PCDHGA4: variants seen among roughly 807,000 people sequenced by gnomAD.
PCDHGA4 encodes the protein protocadherin gamma subfamily A, 4.
A neutral mutation model predicts 54.6 loss-of-function variants in PCDHGA4; 38 were observed. The ratio of observed to expected loss-of-function variants is 0.70; its 90% confidence interval spans 0.54 to 0.91. PCDHGA4 has a LOEUF of 0.91. PCDHGA4 is among the 40% of genes least tolerant of loss of function. PCDHGA4 has a pLI of 0.00. For synonymous variants in PCDHGA4, 511 were observed against 512.9 expected (o/e 1.00, Z 0.05); for missense variants, 1,298 against 1,220.9 (o/e 1.06, Z -0.94).
At chr5:141,419,014 C>A (rs1332175722) in intron 1 of PCDHGA4, 1 of 1,613,780 alleles carries the variant, frequency 6.2e-7, no homozygotes, top group Non-Finnish European at 8.5e-7. Flanking sequence ...TCAGGTGTAG[C>A]TTAAGTAGAG....
chr5:141,412,998 T>G, intron 1 of PCDHGA4: 1 of 586,036 alleles, frequency 1.7e-6, no homozygotes, highest in Non-Finnish European at 2.9e-6. Context: ...ATCCGGATTC[T>G]CAGGGCTTCA....
intron 1 of PCDHGA4, chr5:141,424,031 T>G (rs2096796228): frequency 1.9e-6 from 2 of 1,036,050 alleles, no homozygotes; most frequent in African/African-American, 3.4e-5. Flanking sequence ...AAACACTTTT[T>G]ATTTCCATTT....
rs773389466 is a variant in PCDHGA4, at chr5:141,388,420, C to T, written c.2514+30799C>T. The T allele has an allele frequency of 3.1e-6, 5 of 1,613,778 alleles. No homozygotes were observed. The South Asian group carries it at 4.4e-5, about 14-fold the overall frequency. ...CAACTCAGTCCCAGTGATCATTTCT[C>T]ACTGATAAATAAAGAGAAATCAGAT... On this transcript the variant is annotated intron_variant, in intron 1 of 3. Coordinates refer to ENST00000571252, the MANE Select transcript of PCDHGA4 (RefSeq NM_018917.4).
intron 3 of PCDHGA4, among the ~76,000 whole-genome samples, chr5:141,508,711 T>G (rs1201917424): frequency 6.6e-6 from 1 of 152,058 alleles, no homozygotes; most frequent in Admixed American, 6.5e-5. Flanking sequence ...CTCATTCTTT[T>G]CTGTGTGCAG....
At chr5:141,492,244 C>T (rs1334647731) in intron 1 of PCDHGA4, among the ~76,000 whole-genome samples, 1 of 152,198 alleles carries the variant, frequency 6.6e-6, no homozygotes, top group Admixed American at 6.5e-5. Flanking sequence ...TGGCCACCCC[C>T]ACGGCCCACA....
At chr5:141,372,231 G>T (rs868293386) in intron 1 of PCDHGA4, 3 of 1,613,374 alleles carry the variant, frequency 1.9e-6, no homozygotes, top group Middle Eastern at 3.3e-4. Context: ...GCAGGCCAGC[G>T]AGCCCGGGCT....
Position 141,486,390 on chromosome 5 carries a change from C to T in PCDHGA4, c.2515-8417C>T. 6.2e-7 allele frequency: 1 copy of T among 1,614,138 alleles called. No homozygotes were observed. The highest frequency in any genetic ancestry group is 1.1e-5 in the South Asian group (1 of 91,084). On this transcript the variant is annotated intron_variant, in intron 1 of 3. Coordinates refer to ENST00000571252, the MANE Select transcript of PCDHGA4 (RefSeq NM_018917.4). This position sits in a 1 kb window ranked among gnomAD's most constrained non-coding sequence, Gnocchi z 5.0. ...AAGTCTGCCTTCAGGAACCAGTTCTCCCTGGTGACTGCTGGACCCTTGGAT... is the reference window on the plus strand; with the variant it reads ...AAGTCTGCCTTCAGGAACCAGTTCTTCCTGGTGACTGCTGGACCCTTGGAT...
chr5:141,482,645 G>A (rs1267966412), intron 1 of PCDHGA4, among the ~76,000 whole-genome samples: 1 of 152,120 alleles, frequency 6.6e-6, no homozygotes, highest in Admixed American at 6.5e-5. Context: ...TAGAGGTGGT[G>A]ATGCTTGAGC....
Position 141,476,944 on chromosome 5 carries a change from C to T in PCDHGA4, c.2515-17863C>T, listed in dbSNP as rs1360022622. The T allele has an allele frequency of 3.3e-5, 53 of 1,614,072 alleles. No homozygotes were observed. The highest frequency in any genetic ancestry group is 4.1e-5 in the Non-Finnish European group (48 of 1,180,052). ...CAACGGATCTGGATGAAGGCCCCAACGGTGAAATTATTTACTCCTTCGGCA... is the reference window on the plus strand; with the variant it reads ...CAACGGATCTGGATGAAGGCCCCAATGGTGAAATTATTTACTCCTTCGGCA... On this transcript the variant is annotated intron_variant, in intron 1 of 3. Transcript: ENST00000571252. The surrounding 1 kb of genome is among the most constrained non-coding windows in gnomAD (Gnocchi z 7.6).
Position 141,491,529 on chromosome 5 carries a change from G to T in PCDHGA4, c.2515-3278G>T, listed in dbSNP as rs1157770121. ...GCACGCTCAAGTACATGGAGGTGAC[G>T]CTGCGGCCCACAGACTCGCAGAGCC... On this transcript the variant is annotated intron_variant, in intron 1 of 3. Transcript: ENST00000571252. This position sits in a 1 kb window ranked among gnomAD's most constrained non-coding sequence, Gnocchi z 6.9. The T allele has an allele frequency of 6.2e-7, 1 of 1,614,040 alleles. No individual in the cohort carries two copies. The highest frequency in any genetic ancestry group is 1.1e-5 in the South Asian group (1 of 91,080).
Position 141,490,293 on chromosome 5 carries a change from A to G in PCDHGA4, c.2515-4514A>G, listed in dbSNP as rs1316965652. On this transcript the variant is annotated intron_variant, in intron 1 of 3. Transcript: ENST00000571252. The surrounding 1 kb of genome is among the most constrained non-coding windows in gnomAD (Gnocchi z 5.4). ...TCAATGACAATGCCCCAGAGGTGCTATTGGCCTCTTTGGCCAACCCTGTCC... is the reference window on the plus strand; with the variant it reads ...TCAATGACAATGCCCCAGAGGTGCTGTTGGCCTCTTTGGCCAACCCTGTCC... The G allele has an allele frequency of 1.2e-6, 2 of 1,614,190 alleles. No individual in the cohort carries two copies. The highest frequency in any genetic ancestry group is 8.5e-7 in the Non-Finnish European group (1 of 1,180,028).
At position 141,486,266 on chromosome 5, in the gene PCDHGA4, C is replaced by A; in HGVS notation, c.2515-8541C>A. On this transcript the variant is annotated intron_variant, in intron 1 of 3. Coordinates refer to ENST00000571252, the MANE Select transcript of PCDHGA4 (RefSeq NM_018917.4). The surrounding 1 kb of genome is among the most constrained non-coding windows in gnomAD (Gnocchi z 5.0). ...TGGAACCCTCCCCGAGAGTGCAGAA[C>A]CTGGCACTGTGGTGGCACTTATCAG... The A allele has an allele frequency of 1.9e-6, 3 of 1,614,098 alleles. No homozygotes were observed. Among genetic ancestry groups the A allele is most frequent in the Admixed American group, 3.3e-5 (2 of 60,016 alleles).
intron 1 of PCDHGA4, chr5:141,400,401 G>T (rs760681088): frequency 3.1e-6 from 5 of 1,613,936 alleles, no homozygotes; most frequent in Non-Finnish European, 4.2e-6. Context: ...CAGGAAAGAC[G>T]GAGTTTAATT....
intron 2 of PCDHGA4, among the ~76,000 whole-genome samples, chr5:141,497,893 C>T (rs1194262199): frequency 6.6e-6 from 1 of 152,132 alleles, no homozygotes; most frequent in Non-Finnish European, 1.5e-5. Flanking sequence ...GGATCTAGTC[C>T]AGTAACTTCA....
intron 1 of PCDHGA4, among the ~76,000 whole-genome samples, chr5:141,474,511 C>T (rs2099350824): frequency 6.6e-6 from 1 of 152,202 alleles, no homozygotes; most frequent in Non-Finnish European, 1.5e-5. Context: ...TATCAGCCCT[C>T]TTGCTGGTCT....
rs1488305057 is a variant in PCDHGA4, at chr5:141,477,736, C to A, written c.2515-17071C>A. ...AATTTGAATTAACAGCTCATATCAG[C>A]GATGGGGGCACCCCGGTCCTAGCCA... On this transcript the variant is annotated intron_variant, in intron 1 of 3. Transcript: ENST00000571252. This position sits in a 1 kb window ranked among gnomAD's most constrained non-coding sequence, Gnocchi z 4.9. The A allele has an allele frequency of 6.2e-7, 1 of 1,613,790 alleles. No homozygotes were observed. Among genetic ancestry groups the A allele is most frequent in the Non-Finnish European group, 8.5e-7 (1 of 1,180,024 alleles).
intron 1 of PCDHGA4, among the ~76,000 whole-genome samples, chr5:141,457,384 G>A (rs2154565902): frequency 6.6e-6 from 1 of 152,270 alleles, no homozygotes; most frequent in African/African-American, 2.4e-5. Context: ...CCCAGAACTA[G>A]CATATTGATT....
At chr5:141,389,080 C>T (rs762866893) in intron 1 of PCDHGA4, 8 of 1,613,866 alleles carry the variant, frequency 5.0e-6, no homozygotes, top group African/African-American at 2.7e-5. Flanking sequence ...TCAAGAAACA[C>T]GTATAAATTA....
intron 1 of PCDHGA4, chr5:141,372,088 C>G: frequency 1.9e-6 from 3 of 1,613,762 alleles, no homozygotes; most frequent in Non-Finnish European, 2.5e-6. Flanking sequence ...GTGCTGTACC[C>G]AGCTCTGGGG....
Sources: allele counts gnomAD v4.1 joint callset (sites outside exome capture counted in the v4.1 genomes callset), GRCh38; gene constraint gnomAD v4.1.1; non-coding constraint Gnocchi (gnomAD v3.1); transcripts MANE v1.5; gene names NCBI Gene and HGNC (gene_info 2026-07-23, HGNC 2026-07-21).